Variants in ZFHX3 observed in about 807,000 individuals in gnomAD.
ZFHX3 encodes zinc finger homeobox protein 3.
ZFHX3 carries 42 observed loss-of-function variants against 279.1 expected under a neutral mutation model. The ratio of observed to expected loss-of-function variants is 0.15; its 90% CI spans 0.12 to 0.19. The LOEUF (loss-of-function observed/expected upper bound fraction) is 0.19. Ranked by LOEUF, ZFHX3 falls within the 10% of genes least tolerant of loss-of-function variation. The pLI, the probability that ZFHX3 is intolerant of heterozygous loss-of-function variation, is 1.00. For synonymous variants in ZFHX3, 2,293 were observed against 1,957.8 expected (o/e 1.17, Z -4.52); for missense variants, 4,981 against 4,754.0 (o/e 1.05, Z -1.40).
intron 5 of ZFHX3, among the ~76,000 whole-genome samples, chr16:73,215,479 G>C (rs898050269): frequency 6.6e-6 from 1 of 152,182 alleles, no homozygotes; most frequent in African/African-American, 2.4e-5. Context: ...GTTCCTAAAT[G>C]TTTCAACCAG....
chr16:73,721,230 T>C (rs990907504), intron 1 of ZFHX3, among the ~76,000 whole-genome samples: 1 of 152,200 alleles, frequency 6.6e-6, no homozygotes, highest in African/African-American at 2.4e-5. Flanking sequence ...CAAGCGATTG[T>C]CCTGCCTCAG....
At chr16:73,179,863 C>CT (rs1267027677) in intron 5 of ZFHX3, among the ~76,000 whole-genome samples, 1 of 152,072 alleles carries the variant, frequency 6.6e-6, no homozygotes, top group East Asian at 1.9e-4. Flanking sequence ...GAAGGGGGAC[C>CT]CACTGACCCC....
intron 5 of ZFHX3, among the ~76,000 whole-genome samples, chr16:73,176,985 G>A (rs1967680370): frequency 6.6e-6 from 1 of 152,104 alleles, no homozygotes; most frequent in Admixed American, 6.6e-5. Context: ...GATTTCATCA[G>A]CACATTGGAG....
In ZFHX3 at chr16:73,539,433, C is replaced by CTTTTTTTTTTTTTTTTT. The variant is rs1162434013; in HGVS notation, c.-1546-83192_-1546-83176dup. ...TAAATTTTTTTCCCTTCCTCTTCTT[C>CTTTTTTTTTTTTTTTTT]TTTTTTTTTTTTTTTTTTTTTTTTT... On this transcript the variant is annotated intron_variant, in intron 2 of 17. Transcript: ENST00000641206. Among the ~76,000 whole-genome samples, 37 of 65,074 alleles carry CTTTTTTTTTTTTTTTTT rather than the reference C, an allele frequency of 5.7e-4. 4 individuals carry two copies. Among genetic ancestry groups the CTTTTTTTTTTTTTTTTT allele is most frequent in the Non-Finnish European group, 8.3e-4 (29 of 34,748 alleles). The allele number at this position is 65,074 out of a possible 152,430, so 42.7% of individuals were successfully genotyped here.
intron 2 of ZFHX3, among the ~76,000 whole-genome samples, chr16:73,532,595 G>A (rs1048970236): frequency 6.6e-6 from 1 of 152,176 alleles, no homozygotes; most frequent in African/African-American, 2.4e-5. Context: ...TAAGCTGCCT[G>A]AATCTGAATC....
At chr16:73,851,004 T>C (rs888857959) in intron 1 of ZFHX3, among the ~76,000 whole-genome samples, 2 of 152,126 alleles carry the variant, frequency 1.3e-5, no homozygotes, top group Non-Finnish European at 2.9e-5. Context: ...TATCCTTTTT[T>C]TCCCCCTCCT....
At chr16:73,802,042 G>A (rs1960160933) in intron 1 of ZFHX3, among the ~76,000 whole-genome samples, 1 of 152,206 alleles carries the variant, frequency 6.6e-6, no homozygotes, top group Admixed American at 6.5e-5. Context: ...ATGAAGGACA[G>A]TGTGTCAGTC....
chr16:73,603,111 T>C (rs1022808177), intron 2 of ZFHX3, among the ~76,000 whole-genome samples: 15 of 151,746 alleles, frequency 9.9e-5, no homozygotes, highest in African/African-American at 1.5e-4. Flanking sequence ...CGGTAAAACC[T>C]GTCTCTACTA....
At chr16:73,025,111 G>T (rs1460731491) in intron 1 of ZFHX3, among the ~76,000 whole-genome samples, 2 of 152,204 alleles carry the variant, frequency 1.3e-5, no homozygotes, top group Non-Finnish European at 2.9e-5. Context: ...CAGGGGGAAC[G>T]AAGGGAGGGT....
chr16:73,022,142 A>G (rs1024575270), intron 1 of ZFHX3, among the ~76,000 whole-genome samples: 12 of 152,182 alleles, frequency 7.9e-5, no homozygotes, highest in African/African-American at 2.7e-4. Flanking sequence ...ATGAGGTAGT[A>G]TAAGCTCCAA....
chr16:72,938,921 G>A (rs147600339), intron 3 of ZFHX3, among the ~76,000 whole-genome samples: 4 of 152,176 alleles, frequency 2.6e-5, no homozygotes, highest in East Asian at 1.9e-4. Context: ...GAACAACCAC[G>A]CACAAACAGA....
chr16:73,262,655 G>A (rs1044507892), intron 4 of ZFHX3, among the ~76,000 whole-genome samples: 1 of 152,202 alleles, frequency 6.6e-6, no homozygotes, highest in Admixed American at 6.5e-5. Flanking sequence ...ATAGGAGGTA[G>A]ATTGCAGACA....
intron 1 of ZFHX3, among the ~76,000 whole-genome samples, chr16:73,838,929 A>G (rs1961219108): frequency 6.6e-6 from 1 of 152,112 alleles, no homozygotes; most frequent in Non-Finnish European, 1.5e-5. Context: ...CCATAGGAGG[A>G]ATCTAAAGCT....
At chr16:73,787,494 G>C (rs1030681946) in intron 1 of ZFHX3, among the ~76,000 whole-genome samples, 9 of 152,108 alleles carry the variant, frequency 5.9e-5, no homozygotes, top group Non-Finnish European at 1.2e-4. Flanking sequence ...CATGTTCTGT[G>C]GCTCCTGGTT....
intron 5 of ZFHX3, among the ~76,000 whole-genome samples, chr16:73,230,366 T>C (rs2012735332): frequency 7.2e-5 from 11 of 152,212 alleles, no homozygotes; most frequent in Admixed American, 7.2e-4. Context: ...TTTAGGAACG[T>C]ATGGACTGGT....
intron 6 of ZFHX3, among the ~76,000 whole-genome samples, chr16:73,143,515 GC>G (rs1966852944): frequency 6.6e-6 from 1 of 152,166 alleles, no homozygotes; most frequent in Admixed American, 6.5e-5. Flanking sequence ...TTGTCTTGCA[GC>G]AAACCCACTT....
At chr16:72,925,958 G>A (rs534498838) in intron 3 of ZFHX3, among the ~76,000 whole-genome samples, 1 of 152,328 alleles carries the variant, frequency 6.6e-6, no homozygotes, top group South Asian at 2.1e-4. Context: ...ACGAAAGCAT[G>A]TTCCCAAGAG....
At chr16:73,140,582 G>C (rs991719365) in intron 6 of ZFHX3, among the ~76,000 whole-genome samples, 1 of 152,066 alleles carries the variant, frequency 6.6e-6, no homozygotes, top group Admixed American at 6.5e-5. Context: ...GAGGCCGGGC[G>C]TGGCGGCTCA....
intron 1 of ZFHX3, among the ~76,000 whole-genome samples, chr16:73,856,458 T>C (rs1961730353): frequency 1.3e-5 from 2 of 152,196 alleles, no homozygotes; most frequent in Non-Finnish European, 2.9e-5. Flanking sequence ...AAAAATTCTT[T>C]CTTAGAGGAT....
Sources: gnomAD v4.1 joint callset for allele counts (sites outside exome capture counted in the v4.1 genomes callset) on GRCh38, gnomAD v4.1.1 for gene constraint, MANE v1.5 for transcripts, NCBI Gene and HGNC (gene_info 2026-07-23, HGNC 2026-07-21) for gene names.